SNU13: variants seen among roughly 807,000 people sequenced by gnomAD.
SNU13 encodes the protein NHP2-like protein 1.
In SNU13, 2 loss-of-function variants were observed where a neutral mutation model predicts 12.4. The ratio of observed to expected loss-of-function variants is 0.16; its 90% confidence interval spans 0.07 to 0.51. The LOEUF (loss-of-function observed/expected upper bound fraction) is 0.51. SNU13 is among the 20% of genes least tolerant of loss of function. The pLI is 0.96. For synonymous variants in SNU13, 68 were observed against 66.5 expected (o/e 1.02, Z -0.11); for missense variants, 66 against 157.8 (o/e 0.42, Z 3.12).
chr22:41,678,311 T>C lies in SNU13; in HGVS notation c.124+1933A>G, dbSNP rs147978407. Among the ~76,000 whole-genome samples the C allele has an allele frequency of 1.3e-3, 202 of 152,240 alleles. 2 individuals are homozygous for C. Among genetic ancestry groups the C allele is most frequent in the African/African-American group, 4.6e-3 (193 of 41,544 alleles). On this transcript the variant is annotated intron_variant, in intron 2 of 2. Transcript: ENST00000401959. The stretch of plus-strand genomic sequence containing the variant: ...TCTTTACCACCAGGCATAAAACCTA[T>C]GTCTTTCTCCACTGGAATGTATACT...
intron 1 of SNU13, among the ~76,000 whole-genome samples, chr22:41,680,765 G>C (rs1433650328): frequency 6.6e-6 from 1 of 152,172 alleles, no homozygotes; most frequent in East Asian, 1.9e-4. Flanking sequence ...TGCGATTTCA[G>C]CTTACTGCAA....
intron 1 of SNU13, 81 bp downstream of exon 1, chr22:41,688,713 A>C (rs1448533946): frequency 6.5e-7 from 1 of 1,536,714 alleles, no homozygotes; most frequent in Non-Finnish European, 8.9e-7. Context: ...GCAGGCTCTA[A>C]GCCTCCATCT....
intron 1 of SNU13, among the ~76,000 whole-genome samples, chr22:41,684,567 T>C (rs1221287801): frequency 1.3e-5 from 2 of 152,358 alleles, no homozygotes; most frequent in East Asian, 3.9e-4. Context: ...ATCTCTCTGA[T>C]AGTTTATATT....
At chr22:41,688,946 C>G, upstream of SNU13, 1 of 1,387,130 alleles carries the variant, frequency 7.2e-7, no homozygotes, top group Non-Finnish European at 9.4e-7. Context: ...CGAGTGGGCC[C>G]CGCCCTCTAC....
intron 1 of SNU13, chr22:41,682,211 C>A: frequency 1.2e-6 from 1 of 819,168 alleles, no homozygotes; most frequent in South Asian, 1.4e-5. Flanking sequence ...TAGCGCCTGC[C>A]TCGGTGGTCT....
upstream of SNU13, chr22:41,689,299 G>T (rs2068340604): frequency 1.4e-5 from 2 of 142,968 alleles, no homozygotes; most frequent in African/African-American, 5.5e-5. Context: ...GGAGGTGGAG[G>T]CTACAGTAAG....
chr22:41,679,966 C>A (rs1443752931), intron 2 of SNU13: 11 of 249,490 alleles, frequency 4.4e-5, no homozygotes, highest in African/African-American at 2.5e-4. Context: ...TGAGGTCATA[C>A]AGCCACTATA....
intron 1 of SNU13, 125 bp downstream of exon 1, chr22:41,688,669 G>A: frequency 7.4e-7 from 1 of 1,345,186 alleles, no homozygotes; most frequent in Non-Finnish European, 1.0e-6. Context: ...TAAGGGCCCG[G>A]CGGTTAAGAC....
At chr22:41,680,185 G>A in intron 2 of SNU13, 59 bp downstream of exon 2, 1 of 1,525,438 alleles carries the variant, frequency 6.6e-7, no homozygotes, top group Non-Finnish European at 8.9e-7. Context: ...CAGATCAGAG[G>A]CCCCAGATGG....
upstream of SNU13, among the ~76,000 whole-genome samples, chr22:41,689,612 G>C (rs557502419): frequency 6.0e-4 from 91 of 151,948 alleles, no homozygotes; most frequent in African/African-American, 2.1e-3. Context: ...CTTGCAGTGA[G>C]CCGAGATCGC....
At chr22:41,688,743 G>C (rs1569112553) in intron 1 of SNU13, 51 bp downstream of exon 1, 1 of 1,594,730 alleles carries the variant, frequency 6.3e-7, no homozygotes. Flanking sequence ...GGGAGTGAAC[G>C]CAACCCTGAG....
In SNU13 at chr22:41,674,712, GA is replaced by G; in HGVS notation, c.*220del. The G allele has an allele frequency of 1.7e-6, 1 of 590,422 alleles. No individual in the cohort carries two copies. Among genetic ancestry groups the G allele is most frequent in the Admixed American group, 3.2e-5 (1 of 31,096 alleles). 36.6% of individuals were successfully genotyped at this position (590,422 alleles called of 1,614,324 possible). A position where few individuals can be genotyped will look rare whatever the true frequency, so the allele number is the denominator to read the frequency against. On this transcript the variant is annotated 3_prime_UTR_variant, in exon 3 of 3. Coordinates refer to ENST00000401959, the MANE Select transcript of SNU13 (RefSeq NM_001003796.2). ...GCTCTGAACACTTGTTCCAAAAAGGGAGGATAAAAGGATGAAGGATGGCAGA... is the reference window on the plus strand; with the variant it reads ...GCTCTGAACACTTGTTCCAAAAAGGGGGATAAAAGGATGAAGGATGGCAGA...
chr22:41,676,033 A>T (rs773159599), intron 2 of SNU13, among the ~76,000 whole-genome samples: 2 of 152,006 alleles, frequency 1.3e-5, no homozygotes, highest in Non-Finnish European at 2.9e-5. Flanking sequence ...CCTGGCCCTG[A>T]CCACTTCTTT....
chr22:41,680,317 G>T lies in SNU13; in HGVS notation c.51C>A (p.His17Gln). Residue 17 changes from histidine to glutamine, a missense_variant, in exon 2 of 3, where the codon CAC (histidine) becomes CAA (glutamine). His to Gln is a conservative substitution (Grantham distance 24). Coordinates refer to ENST00000401959, the MANE Select transcript of SNU13 (RefSeq NM_001003796.2). ...NPKAYPLADA[H>Q]LTKKLLDLVQ... ...CGAGGTCCAGTAGCTTCTTGGTGAG[G>T]TGGGCATCGGCAAGGGGATAGGCCT... The T allele has an allele frequency of 6.2e-7, 1 of 1,614,110 alleles. No homozygotes were observed. The highest frequency in any genetic ancestry group is 8.5e-7 in the Non-Finnish European group (1 of 1,179,998).
chr22:41,677,129 TC>T lies in SNU13; in HGVS notation c.125-1935del, dbSNP rs555805568. 1.1e-4 allele frequency among the ~76,000 whole-genome samples: 16 copies of T among 152,320 alleles called. No individual in the cohort carries two copies. In the East Asian group the frequency reaches 3.1e-3, roughly 29 times the overall value. On this transcript the variant is annotated intron_variant, in intron 2 of 2. Transcript: ENST00000401959. ...TACTCCGTAAGCTTTTAGCCATGTTTCACCTGAGAAACGAACACCCACACCT... is the reference window on the plus strand; with the variant it reads ...TACTCCGTAAGCTTTTAGCCATGTTTACCTGAGAAACGAACACCCACACCT...
rs531539042 is a variant in SNU13, at chr22:41,681,545, G to A, written c.4-1181C>T. 2.0e-5 allele frequency: 3 copies of A among 152,302 alleles called. No individual in the cohort carries two copies. The South Asian group carries it at 6.2e-4, about 32-fold the overall frequency. The allele number at this position is 152,302 out of a possible 1,614,324, so 9.4% of individuals were successfully genotyped here. A position where few individuals can be genotyped will look rare whatever the true frequency, so the allele number is the denominator to read the frequency against. On this transcript the variant is annotated intron_variant, in intron 1 of 2. Coordinates refer to ENST00000401959, the MANE Select transcript of SNU13 (RefSeq NM_001003796.2). ...AGGTAGAAGATGAGAAGTACCTCTT[G>A]TATCACTCTTCCGCCTAATAAATAA...
upstream of SNU13, chr22:41,690,434 C>T (rs75649759): frequency 4.5e-3 from 3,270 of 720,256 alleles, 62 homozygotes; most frequent in African/African-American, 0.048. Context: ...ACTGTCCTTA[C>T]CTGCACCAAG....
chr22:41,688,644 T>C (rs939077137), intron 1 of SNU13, 150 bp downstream of exon 1: 2 of 1,113,680 alleles, frequency 1.8e-6, no homozygotes, highest in African/African-American at 3.1e-5. Context: ...ACCCCGCCGC[T>C]GCTGGGGTTC....
chr22:41,681,404 C>A (rs1422429021), intron 1 of SNU13: 1 of 152,148 alleles, frequency 6.6e-6, no homozygotes, highest in Non-Finnish European at 1.5e-5. Context: ...TGTAAAATAT[C>A]TTCATGGTTT....
Sources: allele counts gnomAD v4.1 joint callset (sites outside exome capture counted in the v4.1 genomes callset), GRCh38; gene constraint gnomAD v4.1.1; transcripts MANE v1.5; gene names NCBI Gene and HGNC (gene_info 2026-07-23, HGNC 2026-07-21).